IGF1R: variants seen among roughly 807,000 people sequenced by gnomAD.
The protein encoded by IGF1R is insulin like growth factor 1 receptor.
In IGF1R, 44 loss-of-function variants were observed where a neutral mutation model predicts 144.6. The observed-to-expected ratio is 0.30, with a 90% confidence interval of 0.24 to 0.39. The LOEUF (loss-of-function observed/expected upper bound fraction) is 0.39, where lower values mean the gene tolerates loss of function less well. Ranked by LOEUF, IGF1R falls within the 10% of genes least tolerant of loss-of-function variation. IGF1R has a pLI of 1.00. For synonymous variants in IGF1R, 795 were observed against 722.8 expected, an observed-to-expected ratio of 1.10 and a Z score of -1.60; for missense variants, 1,355 against 1,833.7, an observed-to-expected ratio of 0.74 and a Z score of 4.77.
chr15:98,888,650 T>C (rs1254720827), intron 2 of IGF1R, among the ~76,000 whole-genome samples: 2 of 152,202 alleles, frequency 1.3e-5, no homozygotes, highest in East Asian at 3.8e-4. Context: ...GGAAATAGCC[T>C]GGAGTCATTG....
intron 2 of IGF1R, among the ~76,000 whole-genome samples, chr15:98,883,195 T>G (rs1302524790): frequency 6.6e-6 from 1 of 152,220 alleles, no homozygotes; most frequent in Non-Finnish European, 1.5e-5. Context: ...CACTTGAACT[T>G]TCTTTTGCCG....
At chr15:98,698,500 C>T (rs768437652) in intron 1 of IGF1R, among the ~76,000 whole-genome samples, 7 of 152,230 alleles carry the variant, frequency 4.6e-5, no homozygotes, top group Admixed American at 2.0e-4. Context: ...CTGCTGTCTC[C>T]GTGAGTCTGA....
intron 18 of IGF1R, among the ~76,000 whole-genome samples, chr15:98,940,144 C>T (rs909556029): frequency 1.3e-5 from 2 of 152,230 alleles, no homozygotes; most frequent in Non-Finnish European, 2.9e-5. Context: ...GCTCAGGAAA[C>T]CACCTGCTTT....
chr15:98,759,813 G>A (rs1219884242), intron 2 of IGF1R, among the ~76,000 whole-genome samples: 1 of 152,218 alleles, frequency 6.6e-6, no homozygotes, highest in Non-Finnish European at 1.5e-5. Flanking sequence ...TGAAAGAGGT[G>A]TCTGTGTGGC....
intron 1 of IGF1R, among the ~76,000 whole-genome samples, chr15:98,671,770 G>A (rs1198245737): frequency 6.6e-6 from 1 of 152,068 alleles, no homozygotes; most frequent in African/African-American, 2.4e-5. Context: ...GCTTAAAAGT[G>A]GCCATTGAAA....
intron 2 of IGF1R, among the ~76,000 whole-genome samples, chr15:98,793,884 T>C (rs1018648031): frequency 1.8e-4 from 27 of 152,222 alleles, no homozygotes; most frequent in Non-Finnish European, 1.5e-5. Context: ...GAAATACCTG[T>C]GTTCGTTCCT....
At chr15:98,853,950 T>C (rs2011650587) in intron 2 of IGF1R, among the ~76,000 whole-genome samples, 2 of 152,252 alleles carry the variant, frequency 1.3e-5, no homozygotes, top group Admixed American at 6.5e-5. Context: ...GCACAACATC[T>C]GACTTGGATT....
At chr15:98,898,609 C>T (rs1394308375) in intron 4 of IGF1R, among the ~76,000 whole-genome samples, 3 of 152,156 alleles carry the variant, frequency 2.0e-5, no homozygotes, top group African/African-American at 7.2e-5. Context: ...CCTTTAGTAC[C>T]CTTATTATTT....
intron 1 of IGF1R, among the ~76,000 whole-genome samples, chr15:98,692,869 C>T (rs1020554673): frequency 6.6e-6 from 1 of 152,072 alleles, no homozygotes; most frequent in Non-Finnish European, 1.5e-5. Flanking sequence ...GCCACCCCCG[C>T]CCTAGATAGT....
intron 2 of IGF1R, among the ~76,000 whole-genome samples, chr15:98,788,347 TAA>T (rs2141410155): frequency 6.6e-6 from 1 of 152,126 alleles, no homozygotes; most frequent in East Asian, 1.9e-4. Flanking sequence ...TCCCCTTGGG[TAA>T]AGAGTGGGAG....
At chr15:98,703,093 T>C (rs995672444) in intron 1 of IGF1R, among the ~76,000 whole-genome samples, 1 of 152,164 alleles carries the variant, frequency 6.6e-6, no homozygotes, top group African/African-American at 2.4e-5. Context: ...TTGGGGACTT[T>C]GCTGAGGCCC....
chr15:98,911,228 G>T (rs2151673933), intron 6 of IGF1R, 87 bp from the exon 7 acceptor site: 1 of 1,512,424 alleles, frequency 6.6e-7, no homozygotes, highest in East Asian at 2.3e-5. Context: ...GCCAGCTTTG[G>T]GGAAGGGGGA....
intron 2 of IGF1R, among the ~76,000 whole-genome samples, chr15:98,753,294 G>T (rs1256775859): frequency 1.3e-5 from 2 of 149,194 alleles, no homozygotes; most frequent in African/African-American, 5.0e-5. Flanking sequence ...TCGGCTCACT[G>T]CAGCCTTGAC....
intron 1 of IGF1R, among the ~76,000 whole-genome samples, chr15:98,681,466 C>T (rs927396817): frequency 2.0e-5 from 3 of 152,166 alleles, no homozygotes; most frequent in African/African-American, 7.2e-5. Context: ...TATTTGGGTT[C>T]ATTCCAAGGA....
At chr15:98,713,398 T>C (rs1181122791) in intron 2 of IGF1R, among the ~76,000 whole-genome samples, 2 of 152,092 alleles carry the variant, frequency 1.3e-5, no homozygotes, top group Non-Finnish European at 2.9e-5. Context: ...AATGCAGATG[T>C]TTACTGTGTC....
intron 2 of IGF1R, among the ~76,000 whole-genome samples, chr15:98,766,939 C>A (rs775759720): frequency 2.6e-5 from 4 of 152,156 alleles, no homozygotes; most frequent in Non-Finnish European, 4.4e-5. Context: ...TCCAGCCAGC[C>A]ACATTATTCC....
At chr15:98,936,206 A>C (rs1033560433) in intron 17 of IGF1R, among the ~76,000 whole-genome samples, 3 of 152,138 alleles carry the variant, frequency 2.0e-5, no homozygotes, top group African/African-American at 7.2e-5. Context: ...TACGCTTTTG[A>C]ATGAATGATC....
chr15:98,781,720 T>C (rs1230330577), intron 2 of IGF1R, among the ~76,000 whole-genome samples: 2 of 152,222 alleles, frequency 1.3e-5, no homozygotes, highest in African/African-American at 4.8e-5. Flanking sequence ...GTACCTCTTA[T>C]TTGCATATGC....
chr15:98,961,540 CTCTG>C lies in IGF1R; in HGVS notation c.*4100_*4103del, dbSNP rs147097909. ...CTGATTTCTCTGCCTCTTGATTTTTCTCTGTGTGTTCCAAATAATCTTAAGCTGA... is the reference window on the plus strand; with the variant it reads ...CTGATTTCTCTGCCTCTTGATTTTTCTGTGTTCCAAATAATCTTAAGCTGA... On this transcript the variant is annotated 3_prime_UTR_variant, in exon 21 of 21. Coordinates refer to ENST00000650285, the MANE Select transcript of IGF1R (RefSeq NM_000875.5). 932 of 233,684 alleles carry C rather than the reference CTCTG, an allele frequency of 4.0e-3. 11 individuals carry two copies. The highest frequency in any genetic ancestry group is 0.019 in the African/African-American group (867 of 45,454). The allele number at this position is 233,684 out of a possible 1,614,324, so 14.5% of individuals were successfully genotyped here. A position where few individuals can be genotyped will look rare whatever the true frequency, so the allele number is the denominator to read the frequency against.
Sources: gnomAD v4.1 joint callset for allele counts (sites outside exome capture counted in the v4.1 genomes callset) on GRCh38, gnomAD v4.1.1 for gene constraint, MANE v1.5 for transcripts, NCBI Gene and HGNC (gene_info 2026-07-23, HGNC 2026-07-21) for gene names.